Variants in TM4SF20 observed in about 807,000 individuals in gnomAD.
TM4SF20 encodes the protein transmembrane 4 L6 family member 20.
In TM4SF20, 13 loss-of-function variants were observed where a neutral mutation model predicts 15.1. The observed-to-expected ratio is 0.86, with a 90% CI of 0.56 to 1.36. The LOEUF is 1.36. TM4SF20 is among the 40% of genes most tolerant of loss of function. TM4SF20 has a pLI of 0.00. For missense variants in TM4SF20, 282 were observed against 268.4 expected, an observed-to-expected ratio of 1.05 and a Z score of -0.35; for synonymous variants, 92 against 96.6, an observed-to-expected ratio of 0.95 and a Z score of 0.28.
upstream of TM4SF20, among the ~76,000 whole-genome samples, chr2:227,380,841 G>T (rs967437542): frequency 1.3e-5 from 2 of 152,138 alleles, no homozygotes; most frequent in African/African-American, 4.8e-5. Flanking sequence ...CAGTGTGGGG[G>T]GCGCACACAG....
intron 3 of TM4SF20, among the ~76,000 whole-genome samples, chr2:227,365,405 C>A (rs1054392259): frequency 2.6e-5 from 4 of 152,090 alleles, no homozygotes; most frequent in African/African-American, 9.7e-5. Flanking sequence ...CCAGTTTTTA[C>A]AAATTGTGTC....
rs891179506 is a variant in TM4SF20, at chr2:227,379,140, G to A, written c.129C>T (p.Asn43=). The change falls in exon 1 of 4, where the codon AAC becomes AAT. Residue 43 remains asparagine (N), a synonymous_variant. Coordinates refer to ENST00000304568, the MANE Select transcript of TM4SF20 (RefSeq NM_024795.4). Reference sequence around the variant, plus strand: ...ACCACCACTCAAAGCAAGAGATGGGGTTTTGAGAAAATTGGTCTTCCTCAA... The same window carrying A: ...ACCACCACTCAAAGCAAGAGATGGGATTTTGAGAAAATTGGTCTTCCTCAA... ...SLVEEDQFSQ[N]PISCFEWWFP... 9 of 1,614,180 alleles carry A rather than the reference G, an allele frequency of 5.6e-6. No individual in the cohort carries two copies. The highest frequency in any genetic ancestry group is 6.8e-6 in the Non-Finnish European group (8 of 1,180,036).
chr2:227,371,893 G>T (rs1025238354), intron 1 of TM4SF20, among the ~76,000 whole-genome samples: 2 of 152,124 alleles, frequency 1.3e-5, no homozygotes, highest in Non-Finnish European at 2.9e-5. Flanking sequence ...TCTATAGATC[G>T]CATTCTGCCT....
chr2:227,366,716 C>CAAAAAAAAAAAAAAAAAAAAAA (rs59401554), intron 2 of TM4SF20, among the ~76,000 whole-genome samples: 1 of 68,190 alleles, frequency 1.5e-5, no homozygotes, highest in Non-Finnish European at 2.8e-5. Flanking sequence ...AAGACTCTGT[C>CAAAAAAAAAAAAAAAAAAAAAA]AAAAAAAAAA....
intron 1 of TM4SF20, among the ~76,000 whole-genome samples, chr2:227,371,665 C>T (rs554520765): frequency 6.6e-6 from 1 of 152,168 alleles, no homozygotes. Context: ...TCTGGCAAAC[C>T]TGCAGAAAAG....
At chr2:227,371,284 A>G (rs2076420070) in intron 1 of TM4SF20, among the ~76,000 whole-genome samples, 1 of 152,202 alleles carries the variant, frequency 6.6e-6, no homozygotes. Flanking sequence ...TGACTTATTT[A>G]TACATTATTT....
chr2:227,371,004 G>A (rs1394316089), intron 1 of TM4SF20, 24 bp from the exon 2 acceptor site: 13 of 1,600,124 alleles, frequency 8.1e-6, no homozygotes, highest in Non-Finnish European at 1.1e-5. Context: ...CAACAGGAAA[G>A]ATGAGTATTA....
intron 2 of TM4SF20, among the ~76,000 whole-genome samples, chr2:227,367,045 C>T (rs2076396763): frequency 6.6e-6 from 1 of 152,132 alleles, no homozygotes. Flanking sequence ...ACTTCCCAAC[C>T]TCAGCACCAA....
In TM4SF20 at chr2:227,368,335, T is replaced by TATATATA. The variant is rs1553786651; in HGVS notation, c.250-2092_250-2091insTATATAT. Among the ~76,000 whole-genome samples the TATATATA allele has an allele frequency of 7.3e-3, 890 of 122,704 alleles. 21 individuals carry two copies. Among genetic ancestry groups the TATATATA allele is most frequent in the Non-Finnish European group, 0.01 (608 of 59,114 alleles). The allele number at this position is 122,704 out of a possible 152,430, so 80.5% of individuals were successfully genotyped here. On this transcript the variant is annotated intron_variant, in intron 2 of 3. Transcript: ENST00000304568. ...ACCACGCCTGGCCGCCATCTATTAT[T>TATATATA]TATATATATATATATATATAATTTT...
intron 2 of TM4SF20, 151 bp from the exon 3 acceptor site, chr2:227,366,395 A>G: frequency 3.1e-6 from 2 of 645,538 alleles, no homozygotes; most frequent in South Asian, 4.3e-5. Flanking sequence ...TGATACAAAA[A>G]GGCAGAGGGC....
rs150036392 is a variant in TM4SF20, at chr2:227,379,192, T to C, written c.77A>G (p.Asn26Ser). The C allele has an allele frequency of 2.2e-4, 348 of 1,614,184 alleles. No individual in the cohort carries two copies. The highest frequency in any genetic ancestry group is 2.9e-4 in the Non-Finnish European group (341 of 1,180,024). The change falls in exon 1 of 4, where the codon AAT becomes AGT. Residue 26 changes from asparagine to serine, a missense_variant. Physicochemically the swap from Asn to Ser is conservative, Grantham distance 46. Coordinates refer to ENST00000304568, the MANE Select transcript of TM4SF20 (RefSeq NM_024795.4). ...LVLLLLGVVL[N>S]AIPLIVSLVE... ...TAAGCTGACAATTAGAGGTATCGCA[T>C]TGAGAACTACTCCTAACAGCAGTAG... is the stretch of plus-strand genomic sequence containing the variant.
upstream of TM4SF20, among the ~76,000 whole-genome samples, chr2:227,380,731 G>C (rs1575027659): frequency 7.6e-6 from 1 of 131,652 alleles, no homozygotes; most frequent in African/African-American, 2.5e-5. Context: ...GATTCAGTGA[G>C]TGCTGTTGGG....
upstream of TM4SF20, among the ~76,000 whole-genome samples, chr2:227,380,817 G>A (rs1014283892): frequency 5.9e-5 from 9 of 152,136 alleles, no homozygotes; most frequent in African/African-American, 1.7e-4. Context: ...AGAGAGCAGC[G>A]CTCCACCCTG....
At position 227,379,191 on chromosome 2, in the gene TM4SF20, A is replaced by G. The variant is rs2076467080; in HGVS notation, c.78T>C (p.Asn26=). The G allele has an allele frequency of 1.2e-6, 2 of 1,614,216 alleles. No individual in the cohort carries two copies. Among genetic ancestry groups the G allele is most frequent in the Non-Finnish European group, 1.7e-6 (2 of 1,180,026 alleles). Residue 26 remains asparagine, a synonymous_variant, in exon 1 of 4, where the codon AAT becomes AAC. Coordinates refer to ENST00000304568, the MANE Select transcript of TM4SF20 (RefSeq NM_024795.4). ...CTAAGCTGACAATTAGAGGTATCGC[A>G]TTGAGAACTACTCCTAACAGCAGTA... is the stretch of plus-strand genomic sequence containing the variant. ...LVLLLLGVVL[N]AIPLIVSLVE... is the part of the protein sequence containing the mutation.
At chr2:227,372,367 T>C (rs10181192) in intron 1 of TM4SF20, among the ~76,000 whole-genome samples, 76,216 of 151,916 alleles carry the variant, frequency 0.5, 20,337 homozygotes, top group African/African-American at 0.7. Flanking sequence ...GTCATTTGGC[T>C]GGGCGCGGTG....
In TM4SF20 at chr2:227,363,524, T is replaced by G. The variant is rs2076373715; in HGVS notation, c.*200A>C. On this transcript the variant is annotated 3_prime_UTR_variant, in exon 4 of 4. Transcript: ENST00000304568. ...ACACACAGTGAAGAGGTAAAAAATTTGAATAGTACAACACAAAACTAATTG... is the reference window on the plus strand; with the variant it reads ...ACACACAGTGAAGAGGTAAAAAATTGGAATAGTACAACACAAAACTAATTG... The G allele has an allele frequency of 5.6e-6, 3 of 536,754 alleles. No individual in the cohort carries two copies. Among genetic ancestry groups the G allele is most frequent in the Non-Finnish European group, 9.6e-6 (3 of 311,410 alleles). 33.2% of individuals were successfully genotyped at this position (536,754 alleles called of 1,614,324 possible).
chr2:227,381,129 T>C (rs1216377206), upstream of TM4SF20, among the ~76,000 whole-genome samples: 2 of 151,920 alleles, frequency 1.3e-5, no homozygotes, highest in Non-Finnish European at 2.9e-5. Flanking sequence ...ACAAAAAAAT[T>C]AGCTGGGTGT....
intron 1 of TM4SF20, among the ~76,000 whole-genome samples, chr2:227,373,959 G>T (rs1359449287): frequency 6.7e-6 from 1 of 150,210 alleles, no homozygotes; most frequent in African/African-American, 2.4e-5. Context: ...TGTGGAAGAG[G>T]CTGGTTTATA....
At chr2:227,376,291 G>A (rs2076450241) in intron 1 of TM4SF20, among the ~76,000 whole-genome samples, 1 of 152,182 alleles carries the variant, frequency 6.6e-6, no homozygotes, top group Admixed American at 6.5e-5. Context: ...ACTTTTTTGT[G>A]TAGTTACTAG....
Sources: allele counts gnomAD v4.1 joint callset (sites outside exome capture counted in the v4.1 genomes callset), GRCh38; gene constraint gnomAD v4.1.1; transcripts MANE v1.5; gene names NCBI Gene and HGNC (gene_info 2026-07-23, HGNC 2026-07-21).